Variants in CNTN6 observed in about 807,000 individuals in gnomAD.
The protein encoded by CNTN6 is contactin-6.
CNTN6 carries 137 observed loss-of-function variants against 122.8 expected under a neutral mutation model. That is an observed-to-expected ratio of 1.12 (90% CI 0.97 to 1.29). The LOEUF is 1.29. Ranked by LOEUF, CNTN6 falls within the 50% of genes most tolerant of loss-of-function variation. The pLI is 0.00. For synonymous variants in CNTN6, 570 were observed against 426.0 expected (o/e 1.34, Z -4.16); for missense variants, 1,634 against 1,223.4 (o/e 1.34, Z -5.01).
chr3:1,265,047 T>TTTTTTTC (rs1559649346), intron 4 of CNTN6, among the ~76,000 whole-genome samples: 3 of 129,022 alleles, frequency 2.3e-5, no homozygotes, highest in African/African-American at 8.4e-5. Flanking sequence ...GAATTTCCTT[T>TTTTTTTC]TTTTTTTTTT....
chr3:1,335,989 G>T (rs1673828955), intron 11 of CNTN6, among the ~76,000 whole-genome samples: 1 of 152,000 alleles, frequency 6.6e-6, no homozygotes, highest in Non-Finnish European at 1.5e-5. Flanking sequence ...TGTTGAGGCT[G>T]CAGTGAGCCA....
At chr3:1,364,831 A>G (rs1046637361) in intron 12 of CNTN6, among the ~76,000 whole-genome samples, 2 of 152,102 alleles carry the variant, frequency 1.3e-5, no homozygotes, top group East Asian at 1.9e-4. Flanking sequence ...GTCACATCAT[A>G]TATTCTATTA....
chr3:1,323,097 A>G (rs1701086873), intron 8 of CNTN6, among the ~76,000 whole-genome samples: 1 of 151,802 alleles, frequency 6.6e-6, no homozygotes, highest in Non-Finnish European at 1.5e-5. Flanking sequence ...GAAATCAATA[A>G]TAAAGTACCT....
chr3:1,338,183 C>T (rs1703356502), intron 11 of CNTN6, among the ~76,000 whole-genome samples: 1 of 152,086 alleles, frequency 6.6e-6, no homozygotes, highest in Non-Finnish European at 1.5e-5. Context: ...AAAGAAGTTT[C>T]ACAAAATAAA....
intron 16 of CNTN6, among the ~76,000 whole-genome samples, chr3:1,376,043 C>G (rs918243170): frequency 1.3e-5 from 2 of 152,104 alleles, no homozygotes; most frequent in African/African-American, 4.8e-5. Context: ...CCAACCACCT[C>G]TCCTATTGTT....
At chr3:1,318,253 G>T (rs1700385548) in intron 7 of CNTN6, among the ~76,000 whole-genome samples, 1 of 151,582 alleles carries the variant, frequency 6.6e-6, no homozygotes, top group African/African-American at 2.4e-5. Context: ...TTGTAGCTCT[G>T]CAGAGCAATA....
intron 5 of CNTN6, among the ~76,000 whole-genome samples, chr3:1,287,447 C>A (rs1021115284): frequency 2.0e-5 from 3 of 152,098 alleles, no homozygotes; most frequent in Non-Finnish European, 4.4e-5. Flanking sequence ...ATTAAGTTCA[C>A]CCATAAAAGA....
chr3:1,396,167 G>T (rs1694966850), intron 20 of CNTN6, among the ~76,000 whole-genome samples: 1 of 152,140 alleles, frequency 6.6e-6, no homozygotes, highest in African/African-American at 2.4e-5. Context: ...GTGTCTCAAA[G>T]CTCCTTTCTA....
At chr3:1,386,672 C>T (rs1340473440) in intron 20 of CNTN6, among the ~76,000 whole-genome samples, 1 of 151,902 alleles carries the variant, frequency 6.6e-6, no homozygotes, top group African/African-American at 2.4e-5. Flanking sequence ...ACAAATTATT[C>T]ATAAAATCAG....
chr3:1,187,280 T>C (rs2093642282), intron 2 of CNTN6, among the ~76,000 whole-genome samples: 1 of 152,164 alleles, frequency 6.6e-6, no homozygotes, highest in African/African-American at 2.4e-5. Flanking sequence ...TACATACTTT[T>C]TTTTTTTCTT....
intron 5 of CNTN6, among the ~76,000 whole-genome samples, chr3:1,280,385 A>C (rs1465922794): frequency 6.6e-6 from 1 of 151,396 alleles, no homozygotes; most frequent in East Asian, 1.9e-4. Flanking sequence ...ATTTACAAAA[A>C]CTGCCTTAAA....
intron 12 of CNTN6, among the ~76,000 whole-genome samples, chr3:1,359,016 T>C (rs1359157290): frequency 6.6e-6 from 1 of 152,044 alleles, no homozygotes; most frequent in Non-Finnish European, 1.5e-5. Context: ...GCTATGATCA[T>C]GCCACTGTAC....
intron 11 of CNTN6, among the ~76,000 whole-genome samples, chr3:1,339,000 G>C (rs905009026): frequency 2.0e-5 from 3 of 151,844 alleles, no homozygotes; most frequent in African/African-American, 7.3e-5. Context: ...AAAAGCTGGA[G>C]TAATAGTATA....
At chr3:1,180,290 C>A (rs994697443) in intron 2 of CNTN6, among the ~76,000 whole-genome samples, 11 of 152,130 alleles carry the variant, frequency 7.2e-5, no homozygotes, top group Admixed American at 2.6e-4. Context: ...ATTAATGAAT[C>A]AAGATGAAGT....
intron 2 of CNTN6, among the ~76,000 whole-genome samples, chr3:1,171,770 C>G (rs905530174): frequency 6.6e-6 from 1 of 152,076 alleles, no homozygotes; most frequent in Non-Finnish European, 1.5e-5. Flanking sequence ...CCATGCCTGG[C>G]TAGTTTTTTA....
chr3:1,339,590 G>T (rs900287372), intron 11 of CNTN6, among the ~76,000 whole-genome samples: 3 of 152,084 alleles, frequency 2.0e-5, no homozygotes, highest in African/African-American at 7.2e-5. Flanking sequence ...GCAGGTAACT[G>T]AACTGGCAGT....
intron 5 of CNTN6, among the ~76,000 whole-genome samples, chr3:1,286,513 C>T (rs1348247010): frequency 6.6e-6 from 1 of 152,086 alleles, no homozygotes; most frequent in Non-Finnish European, 1.5e-5. Context: ...CATGTCCCTG[C>T]AAAGGACATG....
chr3:1,238,227 T>C (rs192061836), intron 4 of CNTN6, among the ~76,000 whole-genome samples: 256 of 152,172 alleles, frequency 1.7e-3, no homozygotes, highest in Middle Eastern at 3.4e-3. Flanking sequence ...AATTTACTTA[T>C]AGTAAAGGGG....
intron 1 of CNTN6, among the ~76,000 whole-genome samples, chr3:1,141,125 A>G (rs1354647649): frequency 6.6e-6 from 1 of 152,208 alleles, no homozygotes; most frequent in Non-Finnish European, 1.5e-5. Context: ...TGTTATAAAA[A>G]TTATTAAAAA....
Sources: allele counts gnomAD v4.1 joint callset (sites outside exome capture counted in the v4.1 genomes callset), GRCh38; gene constraint gnomAD v4.1.1; transcripts MANE v1.5; gene names NCBI Gene and HGNC (gene_info 2026-07-23, HGNC 2026-07-21).